Variants in PCLO observed in about 807,000 individuals in gnomAD.
PCLO encodes piccolo presynaptic cytomatrix protein, also known as protein piccolo.
In PCLO, 82 loss-of-function variants were observed where a neutral mutation model predicts 427.5. The ratio of observed to expected loss-of-function variants is 0.19; its 90% CI spans 0.16 to 0.23. The LOEUF is 0.23. Among genes scored for constraint, PCLO ranks in the 10% least tolerant of loss-of-function variants. The probability of loss-of-function intolerance (pLI) is 1.00; values close to 1 mark genes in which losing one functional copy is unlikely to be tolerated. For missense variants in PCLO, 6,239 were observed against 6,115.9 expected (o/e 1.02, Z -0.67); for synonymous variants, 2,357 against 2,155.4 (o/e 1.09, Z -2.59).
At chr7:83,104,463 C>G (rs1790806739) in intron 3 of PCLO, among the ~76,000 whole-genome samples, 1 of 151,926 alleles carries the variant, frequency 6.6e-6, no homozygotes, top group African/African-American at 2.4e-5. Context: ...ACACAAACTC[C>G]TTCAGAGATT....
chr7:83,115,986 G>A (rs560500996), intron 3 of PCLO, among the ~76,000 whole-genome samples: 62 of 150,432 alleles, frequency 4.1e-4, no homozygotes, highest in South Asian at 1.3e-3. Flanking sequence ...ACACACACAC[G>A]CACACATATA....
chr7:83,138,512 T>A (rs1418439516), intron 2 of PCLO, among the ~76,000 whole-genome samples: 1 of 151,936 alleles, frequency 6.6e-6, no homozygotes, highest in Non-Finnish European at 1.5e-5. Flanking sequence ...AATACAAAAA[T>A]TAGCCAGGTG....
chr7:83,060,956 C>T (rs1006450733), intron 3 of PCLO, among the ~76,000 whole-genome samples: 3 of 152,210 alleles, frequency 2.0e-5, no homozygotes, highest in African/African-American at 7.2e-5. Flanking sequence ...TAAACATCAA[C>T]ACTGTAAGGT....
chr7:82,946,960 A>C (rs1254609952), intron 6 of PCLO, among the ~76,000 whole-genome samples: 1 of 152,216 alleles, frequency 6.6e-6, no homozygotes, highest in Non-Finnish European at 1.5e-5. Context: ...TCATAGCCAC[A>C]GGAAGTAAAT....
chr7:83,059,499 A>C (rs935843602), intron 3 of PCLO, among the ~76,000 whole-genome samples: 1 of 151,512 alleles, frequency 6.6e-6, no homozygotes, highest in Non-Finnish European at 1.5e-5. Context: ...AATAAAAATC[A>C]TGAAAACTTT....
Position 82,907,234 on chromosome 7 carries a change from T to C in PCLO, c.13437+1643A>G, listed in dbSNP as rs79724356. Among the ~76,000 whole-genome samples, 45 of 152,126 alleles carry C rather than the reference T, an allele frequency of 3.0e-4. No homozygotes were observed. The East Asian group carries it at 7.7e-3, about 26-fold the overall frequency. On this transcript the variant is annotated intron_variant, in intron 8 of 24. Transcript: ENST00000333891. Reference sequence around the variant, plus strand: ...TGTTGATAATAAATATTCCTGCTTGTTAATTACTAAACAAGCTGCCCTGTT... The same window carrying C: ...TGTTGATAATAAATATTCCTGCTTGCTAATTACTAAACAAGCTGCCCTGTT...
chr7:83,104,326 G>A lies in PCLO; in HGVS notation c.3300+29924C>T, dbSNP rs144104408. On this transcript the variant is annotated intron_variant, in intron 3 of 24. Coordinates refer to ENST00000333891, the MANE Select transcript of PCLO (RefSeq NM_033026.6). The stretch of plus-strand genomic sequence containing the variant: ...TTAAAGGAAAATATCTTCTTTAGGC[G>A]GAATAAGCAAAGTGATTTTTTCAGT... 4.1e-3 allele frequency among the ~76,000 whole-genome samples: 624 copies of A among 152,036 alleles called. 1 individual carries two copies. The highest frequency in any genetic ancestry group is 0.013 in the African/African-American group (557 of 41,514).
At chr7:82,848,830 A>ACAG in intron 10 of PCLO, 1 of 324,614 alleles carries the variant, frequency 3.1e-6, no homozygotes, top group South Asian at 2.5e-5. Context: ...AAAAAGGCTC[A>ACAG]CAATAACACA....
intron 22 of PCLO, among the ~76,000 whole-genome samples, chr7:82,772,655 A>G (rs1342973517): frequency 6.6e-6 from 1 of 152,310 alleles, no homozygotes; most frequent in East Asian, 1.9e-4. Context: ...TGTTATATAA[A>G]GAAATCCTTT....
intron 22 of PCLO, among the ~76,000 whole-genome samples, chr7:82,773,556 C>G (rs578155795): frequency 6.6e-6 from 1 of 152,234 alleles, no homozygotes; most frequent in East Asian, 1.9e-4. Context: ...TTTATGCTTT[C>G]TTCAGAAGCA....
intron 9 of PCLO, among the ~76,000 whole-genome samples, chr7:82,886,864 T>A (rs2116089923): frequency 6.6e-6 from 1 of 152,322 alleles, no homozygotes; most frequent in Non-Finnish European, 1.5e-5. Flanking sequence ...GAGCTGCTTT[T>A]ATTTATTTTC....
chr7:82,894,925 C>G (rs1295519514), intron 9 of PCLO, among the ~76,000 whole-genome samples: 2 of 152,056 alleles, frequency 1.3e-5, no homozygotes, highest in East Asian at 3.9e-4. Context: ...AGAGCCCAAA[C>G]TGTTCACACA....
At chr7:83,034,186 A>G (rs1788736918) in intron 3 of PCLO, among the ~76,000 whole-genome samples, 2 of 152,098 alleles carry the variant, frequency 1.3e-5, no homozygotes, top group Admixed American at 6.6e-5. Context: ...ACTTAGACCC[A>G]TGCTGTTTCC....
At chr7:83,055,595 A>C (rs1789359595) in intron 3 of PCLO, among the ~76,000 whole-genome samples, 1 of 152,096 alleles carries the variant, frequency 6.6e-6, no homozygotes, top group Non-Finnish European at 1.5e-5. Flanking sequence ...TGTCAAAGTC[A>C]ATTATTTGCA....
intron 22 of PCLO, among the ~76,000 whole-genome samples, chr7:82,799,336 G>T (rs988510236): frequency 5.9e-5 from 9 of 152,148 alleles, no homozygotes; most frequent in Non-Finnish European, 8.8e-5. Context: ...AGGAATAAGC[G>T]CTATCTCTGG....
chr7:83,083,566 T>A (rs1790157534), intron 3 of PCLO, among the ~76,000 whole-genome samples: 1 of 152,040 alleles, frequency 6.6e-6, no homozygotes, highest in South Asian at 2.1e-4. Context: ...TTCTGGGTCC[T>A]CCCTGATGAC....
intron 22 of PCLO, among the ~76,000 whole-genome samples, chr7:82,799,635 G>A (rs148215253): frequency 7.4e-4 from 112 of 152,172 alleles, no homozygotes; most frequent in East Asian, 2.1e-3. Flanking sequence ...AGACCTCTCC[G>A]TCAACTGGCT....
intron 22 of PCLO, among the ~76,000 whole-genome samples, chr7:82,787,633 T>G (rs1366642556): frequency 2.0e-5 from 3 of 152,180 alleles, no homozygotes; most frequent in Non-Finnish European, 4.4e-5. Context: ...AGACTGCTAA[T>G]CCATGTTCCT....
At chr7:82,997,687 G>C (rs891939529) in intron 3 of PCLO, among the ~76,000 whole-genome samples, 5 of 151,922 alleles carry the variant, frequency 3.3e-5, no homozygotes, top group Non-Finnish European at 7.4e-5. Flanking sequence ...TCACATAGAT[G>C]AGATTTCTCC....
Sources: allele counts gnomAD v4.1 joint callset (sites outside exome capture counted in the v4.1 genomes callset), GRCh38; gene constraint gnomAD v4.1.1; transcripts MANE v1.5; gene names NCBI Gene and HGNC (gene_info 2026-07-23, HGNC 2026-07-21).